Variants in CEP63 observed in about 807,000 individuals in gnomAD.
The protein encoded by CEP63 is centrosomal protein 63, also known as centrosomal protein of 63 kDa.
A neutral mutation model predicts 89.1 loss-of-function variants in CEP63; 84 were observed. The ratio of observed to expected loss-of-function variants is 0.94; its 90% CI spans 0.79 to 1.13. CEP63 has a LOEUF of 1.13. Ranked by LOEUF, CEP63 falls within the 50% of genes most tolerant of loss-of-function variation. The pLI is 0.00. For missense variants in CEP63, 838 were observed against 813.3 expected (o/e 1.03, Z -0.37); for synonymous variants, 267 against 272.5 (o/e 0.98, Z 0.20).
In CEP63 at chr3:134,545,730, G is replaced by A. The variant is rs766020055; in HGVS notation, c.700G>A (p.Val234Ile). 6.2e-7 allele frequency: 1 copy of A among 1,614,144 alleles called. No homozygotes were observed. The highest frequency in any genetic ancestry group is 8.5e-7 in the Non-Finnish European group (1 of 1,180,034). Residue 234 changes from valine (V) to isoleucine (I), a missense_variant, in exon 7 of 15, where the codon GTC becomes ATC. Val to Ile is a conservative substitution (Grantham distance 29, BLOSUM62 3). Transcript: ENST00000675561. ...ELEIERLTMR[V>I]NDLVGTSMTV... ...GGAAATAGAGCGCCTCACCATGAGG[G>A]TCAATGACTTGGTTGGAACCAGTAT...
chr3:134,561,777 C>G lies in CEP63; in HGVS notation c.*242C>G. 1 of 1,311,576 alleles carries G rather than the reference C, an allele frequency of 7.6e-7. No individual in the cohort carries two copies. The allele number at this position is 1,311,576 out of a possible 1,614,324, so 81.2% of individuals were successfully genotyped here. ...AAACCACTTTGCTAGACTTTTTTCT[C>G]ATACGAATATTTATTATCATAAAGT... On this transcript the variant is annotated 3_prime_UTR_variant, in exon 15 of 15. Transcript: ENST00000675561.
chr3:134,733,093 G>A, the CEP63 span, among the ~76,000 whole-genome samples: 3 of 152,152 alleles, frequency 2.0e-5, no homozygotes, highest in Non-Finnish European at 2.9e-5. Context: ...TGGGTAGGAA[G>A]CATTTCTTCC....
chr3:134,739,247 A>C, the CEP63 span, among the ~76,000 whole-genome samples: 1 of 152,232 alleles, frequency 6.6e-6, no homozygotes, highest in Admixed American at 6.5e-5. Context: ...AAAGTCCATC[A>C]ATTGATCAAT....
At chr3:134,765,157 C>T in the CEP63 span, among the ~76,000 whole-genome samples, 2 of 152,182 alleles carry the variant, frequency 1.3e-5, no homozygotes, top group African/African-American at 4.8e-5. Context: ...GTTCAAGAAT[C>T]ATACTTTGGG....
chr3:134,606,084 C>A, the CEP63 span, among the ~76,000 whole-genome samples: 1 of 152,304 alleles, frequency 6.6e-6, no homozygotes, highest in Admixed American at 6.5e-5. Flanking sequence ...CCCTCCTCTC[C>A]CCTCACTTCT....
the CEP63 span, among the ~76,000 whole-genome samples, chr3:134,750,644 C>T: frequency 1.3e-5 from 2 of 151,644 alleles, no homozygotes; most frequent in African/African-American, 2.4e-5. Context: ...GAAGCCAGCT[C>T]ATCTGTGCAT....
chr3:134,682,497 G>A, the CEP63 span, among the ~76,000 whole-genome samples: 1 of 152,184 alleles, frequency 6.6e-6, no homozygotes, highest in Non-Finnish European at 1.5e-5. Flanking sequence ...AATGCAGGAG[G>A]GGGAGCCCGC....
chr3:134,686,174 G>GGCT, the CEP63 span, among the ~76,000 whole-genome samples: 3 of 152,136 alleles, frequency 2.0e-5, no homozygotes, highest in Non-Finnish European at 2.9e-5. Context: ...TGGTGGTGGC[G>GGCT]GCTGCTGCTG....
chr3:134,592,564 T>C (rs2107692021), downstream of CEP63, among the ~76,000 whole-genome samples: 1 of 146,824 alleles, frequency 6.8e-6, no homozygotes, highest in African/African-American at 2.5e-5. Context: ...AATGGGGTGC[T>C]GGTCTTTTCA....
the CEP63 span, chr3:134,625,086 C>G: frequency 6.2e-7 from 1 of 1,602,548 alleles, no homozygotes. Flanking sequence ...TCTCAAACTG[C>G]TGCAGGTCCA....
At chr3:134,558,497 G>A in intron 13 of CEP63, 150 bp downstream of exon 13, 2 of 679,494 alleles carry the variant, frequency 2.9e-6, no homozygotes, top group Non-Finnish European at 2.5e-6. Context: ...GTAAAGCTAT[G>A]ATCATGTTAA....
chr3:134,531,605 A>T (rs1029621839), intron 3 of CEP63, among the ~76,000 whole-genome samples: 1 of 152,108 alleles, frequency 6.6e-6, no homozygotes, highest in Admixed American at 6.5e-5. Context: ...AAAAAGAGAG[A>T]GAGTCTTCAT....
chr3:134,751,153 C>A, the CEP63 span, among the ~76,000 whole-genome samples: 15 of 152,264 alleles, frequency 9.9e-5, no homozygotes, highest in Middle Eastern at 3.4e-3. Context: ...AATGTGTGAC[C>A]TTTTTGATCT....
the CEP63 span, among the ~76,000 whole-genome samples, chr3:134,652,004 C>T: frequency 6.6e-6 from 1 of 152,110 alleles, no homozygotes. Context: ...GGGAGCCCTC[C>T]CCGCATTGGA....
At chr3:134,732,565 T>A in the CEP63 span, among the ~76,000 whole-genome samples, 66 of 152,096 alleles carry the variant, frequency 4.3e-4, no homozygotes, top group African/African-American at 1.5e-3. Flanking sequence ...AAATTTTTTT[T>A]AAAAACTGAA....
the CEP63 span, chr3:134,608,911 G>A: frequency 6.6e-7 from 1 of 1,520,620 alleles, no homozygotes; most frequent in Non-Finnish European, 8.9e-7. Context: ...ACCCACCGGA[G>A]TGGTCCTATG....
At chr3:134,506,996 C>G in intron 2 of CEP63, 113 bp from the exon 3 acceptor site, 1 of 581,282 alleles carries the variant, frequency 1.7e-6, no homozygotes, top group Non-Finnish European at 3.1e-6. Flanking sequence ...ACATTAATGT[C>G]ATTTAATTAT....
At chr3:134,538,201 T>G (rs1951167414) in intron 6 of CEP63, among the ~76,000 whole-genome samples, 1 of 27,796 alleles carries the variant, frequency 3.6e-5, no homozygotes, top group Non-Finnish European at 9.3e-5. Flanking sequence ...AGGGAGGGTT[T>G]TTTTTTTTTT....
the CEP63 span, among the ~76,000 whole-genome samples, chr3:134,770,502 CACTT>C: frequency 2.0e-5 from 3 of 152,178 alleles, no homozygotes; most frequent in African/African-American, 7.2e-5. Flanking sequence ...TTTCCCCACT[CACTT>C]GATTCTATTC....
Sources: gnomAD v4.1 joint callset for allele counts (sites outside exome capture counted in the v4.1 genomes callset) on GRCh38, gnomAD v4.1.1 for gene constraint, MANE v1.5 for transcripts, NCBI Gene and HGNC (gene_info 2026-07-23, HGNC 2026-07-21) for gene names.